Variants in MYO1D observed in about 807,000 individuals in gnomAD.
The protein encoded by MYO1D is myosin ID, also known as unconventional myosin-Id.
MYO1D carries 83 observed loss-of-function variants against 122.0 expected under a neutral mutation model. That is an observed-to-expected ratio of 0.68 (90% CI 0.57 to 0.82). The LOEUF (loss-of-function observed/expected upper bound fraction) is 0.82, where lower values mean the gene tolerates loss of function less well. Ranked by LOEUF, MYO1D falls within the 40% of genes least tolerant of loss-of-function variation. The pLI, the probability that MYO1D is intolerant of heterozygous loss-of-function variation, is 0.00. For synonymous variants in MYO1D, 464 were observed against 446.9 expected (o/e 1.04, Z -0.48); for missense variants, 1,157 against 1,269.5 (o/e 0.91, Z 1.35).
At chr17:32,840,294 G>A (rs1025333059) in intron 1 of MYO1D, among the ~76,000 whole-genome samples, 1 of 152,204 alleles carries the variant, frequency 6.6e-6, no homozygotes, top group African/African-American at 2.4e-5. Flanking sequence ...TATCTCATAC[G>A]ACCCAAGGGT....
intron 15 of MYO1D, among the ~76,000 whole-genome samples, chr17:32,717,306 A>G (rs774477449): frequency 6.6e-5 from 10 of 152,228 alleles, no homozygotes; most frequent in Non-Finnish European, 1.2e-4. Context: ...TATCCTTTCC[A>G]TAAATAGGAC....
At chr17:32,652,916 C>T (rs951095426) in intron 19 of MYO1D, among the ~76,000 whole-genome samples, 5 of 152,056 alleles carry the variant, frequency 3.3e-5, no homozygotes, top group Non-Finnish European at 7.4e-5. Flanking sequence ...CCGAGGCGGG[C>T]GGATCACGAG....
At chr17:32,600,695 G>A (rs2087551641) in intron 21 of MYO1D, among the ~76,000 whole-genome samples, 1 of 152,164 alleles carries the variant, frequency 6.6e-6, no homozygotes, top group African/African-American at 2.4e-5. Flanking sequence ...TCTGCATTAG[G>A]CTTTGGTTTA....
intron 13 of MYO1D, among the ~76,000 whole-genome samples, chr17:32,740,146 C>T (rs1483418655): frequency 6.6e-6 from 1 of 152,190 alleles, no homozygotes; most frequent in African/African-American, 2.4e-5. Context: ...ACTTACAGTG[C>T]ACATGGTGCC....
At chr17:32,806,568 G>A (rs1041411454) in intron 1 of MYO1D, among the ~76,000 whole-genome samples, 2 of 152,050 alleles carry the variant, frequency 1.3e-5, no homozygotes, top group Admixed American at 1.3e-4. Context: ...CTAGAGACAA[G>A]GTCTCACTAT....
At chr17:32,872,963 T>A (rs899571268) in intron 1 of MYO1D, among the ~76,000 whole-genome samples, 4 of 152,148 alleles carry the variant, frequency 2.6e-5, no homozygotes, top group Non-Finnish European at 5.9e-5. Context: ...CCCAAAGTGC[T>A]GGGATTACAG....
intron 16 of MYO1D, among the ~76,000 whole-genome samples, chr17:32,679,471 T>C (rs1439599619): frequency 6.6e-6 from 1 of 152,132 alleles, no homozygotes; most frequent in African/African-American, 2.4e-5. Context: ...TTCAGCTTCC[T>C]ACATATGGCT....
At chr17:32,774,000 C>A (rs2090149732) in intron 4 of MYO1D, among the ~76,000 whole-genome samples, 1 of 152,096 alleles carries the variant, frequency 6.6e-6, no homozygotes, top group South Asian at 2.1e-4. Flanking sequence ...CCTCTCCCCT[C>A]CTCCCCAGGC....
At chr17:32,500,826 G>A (rs1451258354) in intron 21 of MYO1D, among the ~76,000 whole-genome samples, 1 of 152,130 alleles carries the variant, frequency 6.6e-6, no homozygotes, top group African/African-American at 2.4e-5. Context: ...CCAACATGGT[G>A]AAACCCCATC....
intron 1 of MYO1D, among the ~76,000 whole-genome samples, chr17:32,841,809 C>A (rs1312326258): frequency 2.6e-5 from 4 of 152,052 alleles, no homozygotes; most frequent in Non-Finnish European, 5.9e-5. Context: ...GATAAAGATG[C>A]GGTCTTTAGA....
intron 1 of MYO1D, among the ~76,000 whole-genome samples, chr17:32,809,852 A>G (rs1010820779): frequency 6.6e-6 from 1 of 152,232 alleles, no homozygotes; most frequent in African/African-American, 2.4e-5. Flanking sequence ...AAGGGGTCCA[A>G]CTATAATTGT....
At chr17:32,605,029 T>A (rs2087609116) in intron 21 of MYO1D, 58 bp downstream of exon 21, 4 of 1,453,866 alleles carry the variant, frequency 2.8e-6, no homozygotes, top group Non-Finnish European at 3.7e-6. Context: ...CAGTGATAAT[T>A]ACGATTAAAG....
At chr17:32,529,866 A>T (rs1241469563) in intron 21 of MYO1D, 1 of 152,208 alleles carries the variant, frequency 6.6e-6, no homozygotes, top group Non-Finnish European at 1.5e-5. Flanking sequence ...CCCAACGCGT[A>T]AACAAACACG....
chr17:32,573,875 G>T (rs772100375), intron 21 of MYO1D, among the ~76,000 whole-genome samples: 1 of 151,118 alleles, frequency 6.6e-6, no homozygotes, highest in Non-Finnish European at 1.5e-5. Flanking sequence ...TTTTTGAGAC[G>T]GAGTCTCGCT....
rs750710379 is a variant in MYO1D at position 32,760,600 on chromosome 17, T to G, written c.1063A>C (p.Ile355Leu). The change falls in exon 9 of 22, where the codon ATC becomes CTC. Residue 355 changes from isoleucine (I) to leucine (L), a missense_variant. Transcript: ENST00000318217. ...ATAATATCATTGATGCGAGTAACGA[T>G]CCAACAAAAAAGGCGCTCATATATT... Reference protein sequence around the residue: ...KAIYERLFCWIVTRINDIIEV... With the variant: ...KAIYERLFCWLVTRINDIIEV... The G allele has an allele frequency of 1.4e-5, 23 of 1,609,658 alleles. No homozygotes were observed. The Middle Eastern group carries it at 1.8e-3, about 129-fold the overall frequency.
At chr17:32,576,949 G>A (rs2087284245) in intron 21 of MYO1D, among the ~76,000 whole-genome samples, 1 of 152,134 alleles carries the variant, frequency 6.6e-6, no homozygotes, top group South Asian at 2.1e-4. Flanking sequence ...CAAAGTGCTA[G>A]GATTAAAAGT....
chr17:32,616,970 C>T (rs867613882), intron 20 of MYO1D, among the ~76,000 whole-genome samples: 2 of 152,130 alleles, frequency 1.3e-5, no homozygotes, highest in Non-Finnish European at 2.9e-5. Flanking sequence ...GGTGGATCAC[C>T]TGAGGCCAGG....
chr17:32,685,893 C>A (rs915233679), intron 16 of MYO1D, among the ~76,000 whole-genome samples: 2 of 152,196 alleles, frequency 1.3e-5, no homozygotes, highest in African/African-American at 4.8e-5. Context: ...TTGATATGAC[C>A]TGCTTTGGCC....
intron 16 of MYO1D, among the ~76,000 whole-genome samples, chr17:32,662,918 C>CTTTTTTTTT (rs66842883): frequency 8.4e-6 from 1 of 118,754 alleles, no homozygotes; most frequent in South Asian, 2.8e-4. Context: ...ACTTTCTTTT[C>CTTTTTTTTT]TTTTTTTTTT....
Sources: gnomAD v4.1 joint callset for allele counts (sites outside exome capture counted in the v4.1 genomes callset) on GRCh38, gnomAD v4.1.1 for gene constraint, MANE v1.5 for transcripts, NCBI Gene and HGNC (gene_info 2026-07-23, HGNC 2026-07-21) for gene names.